Variants in AVEN observed in about 807,000 individuals in gnomAD.
The protein encoded by AVEN is cell death regulator Aven.
Under a neutral mutation model 38.1 loss-of-function variants are expected in AVEN, and 41 were observed. The observed-to-expected ratio is 1.08, with a 90% CI of 0.84 to 1.40. The LOEUF is 1.40. AVEN is among the 40% of genes most tolerant of loss of function. The pLI is 0.00. For missense variants in AVEN, 605 were observed against 438.8 expected, an observed-to-expected ratio of 1.38 and a Z score of -3.38; for synonymous variants, 206 against 171.8, an observed-to-expected ratio of 1.20 and a Z score of -1.56.
chr15:33,991,320 T>C (rs991006752), intron 2 of AVEN: 1 of 151,902 alleles, frequency 6.6e-6, no homozygotes, highest in Non-Finnish European at 1.5e-5. Context: ...CAAAACAAAG[T>C]ATAAACTAAA....
downstream of AVEN, among the ~76,000 whole-genome samples, chr15:33,863,965 G>GCTACTATT (rs1889483051): frequency 6.6e-6 from 1 of 152,280 alleles, no homozygotes; most frequent in Admixed American, 6.5e-5. Context: ...ATTCATGTGT[G>GCTACTATT]CTACTATTAG....
intron 2 of AVEN, among the ~76,000 whole-genome samples, chr15:33,902,366 C>T (rs1461310597): frequency 6.6e-6 from 1 of 152,146 alleles, no homozygotes; most frequent in Non-Finnish European, 1.5e-5. Flanking sequence ...CAGACAAAGC[C>T]TTTGACAAAG....
chr15:33,926,411 G>C (rs1893609293), intron 2 of AVEN, among the ~76,000 whole-genome samples: 1 of 152,152 alleles, frequency 6.6e-6, no homozygotes, highest in African/African-American at 2.4e-5. Flanking sequence ...GAGAGGCAGT[G>C]CAGGGGCGGT....
At chr15:33,904,706 T>TACACAC (rs755723684) in intron 2 of AVEN, among the ~76,000 whole-genome samples, 1 of 101,346 alleles carries the variant, frequency 9.9e-6, no homozygotes, top group South Asian at 3.1e-4. Flanking sequence ...TATATATATA[T>TACACAC]ATATATATAT....
At chr15:33,854,030 A>C (rs145356636), downstream of AVEN, among the ~76,000 whole-genome samples, 57 of 152,088 alleles carry the variant, frequency 3.7e-4, no homozygotes, top group African/African-American at 1.3e-3. Flanking sequence ...CGTCTCTACT[A>C]ATAATATTTT....
At chr15:33,867,961 A>T in intron 4 of AVEN, 106 bp from the exon 5 acceptor site, 1 of 1,418,766 alleles carries the variant, frequency 7.0e-7, no homozygotes, top group South Asian at 1.5e-5. Context: ...GTGACAGAGG[A>T]AACTCAATTC....
intron 2 of AVEN, among the ~76,000 whole-genome samples, chr15:33,962,633 T>C (rs1895231862): frequency 6.6e-6 from 1 of 151,604 alleles, no homozygotes; most frequent in South Asian, 2.1e-4. Context: ...CAGACTCAAA[T>C]CCTTTAAAAA....
downstream of AVEN, chr15:33,858,198 G>C (rs1452270145): frequency 2.8e-6 from 1 of 351,900 alleles, no homozygotes; most frequent in Non-Finnish European, 5.2e-6. Context: ...CCGGGGTAAA[G>C]ATGAGACATT....
At chr15:33,875,063 T>A (rs1891162886) in intron 3 of AVEN, among the ~76,000 whole-genome samples, 1 of 152,166 alleles carries the variant, frequency 6.6e-6, no homozygotes, top group Non-Finnish European at 1.5e-5. Flanking sequence ...CTCCTCGTAA[T>A]CCGTATGCGT....
At chr15:33,980,942 G>C (rs1402722307) in intron 2 of AVEN, among the ~76,000 whole-genome samples, 2 of 152,118 alleles carry the variant, frequency 1.3e-5, no homozygotes, top group African/African-American at 4.8e-5. Context: ...ACTTAAAAAA[G>C]ATTAACATAG....
At chr15:33,872,434 T>C (rs906950486) in intron 3 of AVEN, among the ~76,000 whole-genome samples, 3 of 152,296 alleles carry the variant, frequency 2.0e-5, no homozygotes, top group South Asian at 2.1e-4. Flanking sequence ...TTACTGTCCA[T>C]ATGAGCCTGG....
downstream of AVEN, among the ~76,000 whole-genome samples, chr15:33,861,623 C>T (rs1024264259): frequency 1.3e-5 from 2 of 152,112 alleles, no homozygotes; most frequent in African/African-American, 4.8e-5. Context: ...TTTTCATTCT[C>T]CTGTGAACCT....
chr15:33,968,962 T>A (rs1895509642), intron 2 of AVEN: 1 of 152,038 alleles, frequency 6.6e-6, no homozygotes, highest in South Asian at 2.1e-4. Context: ...AAATGGAGTC[T>A]TCATCTACCG....
At chr15:33,875,363 G>C (rs1891174017) in intron 3 of AVEN, among the ~76,000 whole-genome samples, 1 of 152,286 alleles carries the variant, frequency 6.6e-6, no homozygotes, top group East Asian at 1.9e-4. Context: ...ATTAGAGGAA[G>C]CCTGCTTGGA....
intron 5 of AVEN, chr15:34,062,509 C>T (rs1378961491): frequency 2.8e-4 from 142 of 505,134 alleles, no homozygotes; most frequent in Admixed American, 2.8e-4. Flanking sequence ...GAGCTGAGAT[C>T]GCACCACTGC....
chr15:34,002,880 A>C (rs909849634), intron 2 of AVEN, 152 bp downstream of exon 2: 11 of 707,542 alleles, frequency 1.6e-5, no homozygotes, highest in Non-Finnish European at 2.2e-5. Flanking sequence ...TTTCCCTTAC[A>C]AGCCATTAGA....
At chr15:33,884,811 G>C (rs905072231) in intron 2 of AVEN, among the ~76,000 whole-genome samples, 4 of 152,182 alleles carry the variant, frequency 2.6e-5, no homozygotes, top group African/African-American at 4.8e-5. Flanking sequence ...ATACAGATCA[G>C]GCATATGTGA....
At chr15:34,039,617 G>A (rs892503921), upstream of AVEN, among the ~76,000 whole-genome samples, 6 of 152,290 alleles carry the variant, frequency 3.9e-5, no homozygotes, top group Non-Finnish European at 8.8e-5. Context: ...AAGAGTTTGT[G>A]TCTGGTGAGA....
At chr15:33,909,987 G>A (rs1478906914) in intron 2 of AVEN, among the ~76,000 whole-genome samples, 1 of 151,942 alleles carries the variant, frequency 6.6e-6, no homozygotes, top group Non-Finnish European at 1.5e-5. Flanking sequence ...AATTAGCTGG[G>A]CTTGGTGGTG....
Sources: allele counts gnomAD v4.1 joint callset (sites outside exome capture counted in the v4.1 genomes callset), GRCh38; gene constraint gnomAD v4.1.1; transcripts MANE v1.5; gene names NCBI Gene and HGNC (gene_info 2026-07-23, HGNC 2026-07-21).